LIFR: variants seen among roughly 807,000 people sequenced by gnomAD.
LIFR encodes the protein leukemia inhibitory factor receptor.
In LIFR, 84 loss-of-function variants were observed where a neutral mutation model predicts 122.2. That is an observed-to-expected ratio of 0.69 (90% CI 0.58 to 0.82). The LOEUF (loss-of-function observed/expected upper bound fraction) is 0.82, where lower values mean the gene tolerates loss of function less well. Among genes scored for constraint, LIFR ranks in the 40% least tolerant of loss-of-function variants. The probability of loss-of-function intolerance (pLI) is 0.00; values close to 1 mark genes in which losing one functional copy is unlikely to be tolerated. For synonymous variants in LIFR, 422 were observed against 434.7 expected, an observed-to-expected ratio of 0.97 and a Z score of 0.36; for missense variants, 1,294 against 1,311.6, an observed-to-expected ratio of 0.99 and a Z score of 0.21.
chr5:38,551,510 A>G (rs1057095201), intron 1 of LIFR, among the ~76,000 whole-genome samples: 28 of 152,212 alleles, frequency 1.8e-4, no homozygotes, highest in Admixed American at 1.7e-3. Flanking sequence ...GTGTCTTTGG[A>G]GAAGCCCACT....
chr5:38,530,399 T>A, intron 2 of LIFR, 107 bp downstream of exon 2: 1 of 942,348 alleles, frequency 1.1e-6, no homozygotes, highest in Non-Finnish European at 1.7e-6. Context: ...AAATGAATTT[T>A]AACCAACAAA....
At chr5:38,522,127 G>C (rs748770442) in intron 5 of LIFR, among the ~76,000 whole-genome samples, 9 of 152,220 alleles carry the variant, frequency 5.9e-5, no homozygotes, top group African/African-American at 1.2e-4. Flanking sequence ...CCATAGGCAT[G>C]CAAGTGGGGA....
chr5:38,598,915 G>T (rs1016728947), upstream of LIFR, among the ~76,000 whole-genome samples: 3 of 152,188 alleles, frequency 2.0e-5, no homozygotes, highest in Admixed American at 2.0e-4. Context: ...AAGATAATTT[G>T]CACTCATTAT....
At chr5:38,483,163 C>T (rs544168707) in intron 18 of LIFR, among the ~76,000 whole-genome samples, 5 of 152,142 alleles carry the variant, frequency 3.3e-5, no homozygotes, top group African/African-American at 7.2e-5. Context: ...GTGATAGCCA[C>T]GTGTCACGAG....
intron 4 of LIFR, among the ~76,000 whole-genome samples, chr5:38,524,893 C>T (rs1486845773): frequency 1.3e-5 from 2 of 151,994 alleles, no homozygotes; most frequent in Non-Finnish European, 2.9e-5. Flanking sequence ...CCAGGATCAT[C>T]GAAATAAAAA....
At chr5:38,523,091 A>G (rs1011641422) in intron 5 of LIFR, among the ~76,000 whole-genome samples, 2 of 152,206 alleles carry the variant, frequency 1.3e-5, no homozygotes, top group Admixed American at 6.5e-5. Flanking sequence ...ATAATACACT[A>G]AATTAAATGT....
At chr5:38,498,226 A>G (rs1485764466) in intron 12 of LIFR, among the ~76,000 whole-genome samples, 3 of 152,140 alleles carry the variant, frequency 2.0e-5, no homozygotes, top group Non-Finnish European at 2.9e-5. Flanking sequence ...ACTCCAGACC[A>G]CACACTGTTT....
chr5:38,506,645 A>T lies in LIFR; in HGVS notation c.992-13T>A. On this transcript the variant is annotated splice_polypyrimidine_tract_variant and intron_variant, in intron 7 of 19. Coordinates refer to ENST00000453190, the MANE Select transcript of LIFR (RefSeq NM_001127671.2). Reference sequence around the variant, plus strand: ...GTATCTGGTGGATCTAACAGAAAAAAAATGCAGGTACTTATGATTACATAT... The same window carrying T: ...GTATCTGGTGGATCTAACAGAAAAATAATGCAGGTACTTATGATTACATAT... The T allele has an allele frequency of 6.2e-7, 1 of 1,607,572 alleles. No homozygotes were observed. The highest frequency in any genetic ancestry group is 8.5e-7 in the Non-Finnish European group (1 of 1,174,276).
intron 1 of LIFR, among the ~76,000 whole-genome samples, chr5:38,564,672 T>G (rs1748946721): frequency 6.6e-6 from 1 of 151,092 alleles, no homozygotes; most frequent in African/African-American, 2.4e-5. Context: ...TCCATTGGAT[T>G]TAGAGAGTGT....
chr5:38,519,442 G>C (rs1746283776), intron 5 of LIFR, among the ~76,000 whole-genome samples: 2 of 152,060 alleles, frequency 1.3e-5, no homozygotes, highest in South Asian at 2.1e-4. Flanking sequence ...TATCTCATGA[G>C]TATTATCATT....
chr5:38,484,263 T>C (rs1440029110), intron 18 of LIFR, among the ~76,000 whole-genome samples: 1 of 152,186 alleles, frequency 6.6e-6, no homozygotes, highest in Non-Finnish European at 1.5e-5. Flanking sequence ...AGCACACACT[T>C]GCTGGATGCC....
intron 1 of LIFR, among the ~76,000 whole-genome samples, chr5:38,532,940 T>C (rs1359239278): frequency 6.6e-6 from 1 of 152,184 alleles, no homozygotes; most frequent in African/African-American, 2.4e-5. Flanking sequence ...CTTTCAAAAT[T>C]AGGATGCAGC....
At chr5:38,582,058 C>CTTT (rs35430300) in intron 1 of LIFR, among the ~76,000 whole-genome samples, 5 of 145,216 alleles carry the variant, frequency 3.4e-5, no homozygotes, top group Non-Finnish European at 3.0e-5. Context: ...TTTTTTTTTC[C>CTTT]TTTTTTTTTT....
chr5:38,569,378 G>A (rs181245422), intron 1 of LIFR, among the ~76,000 whole-genome samples: 80 of 152,268 alleles, frequency 5.3e-4, no homozygotes, highest in African/African-American at 1.9e-3. Flanking sequence ...CTCAGCAGGA[G>A]GTGAGAAGCA....
intron 1 of LIFR, among the ~76,000 whole-genome samples, chr5:38,571,560 C>G (rs1462736298): frequency 6.7e-6 from 1 of 148,934 alleles, no homozygotes; most frequent in Non-Finnish European, 1.5e-5. Flanking sequence ...AAGCACTAGC[C>G]TCCTTCTCCT....
chr5:38,510,374 C>T (rs1243547772), intron 7 of LIFR, 90 bp downstream of exon 7: 3 of 1,170,956 alleles, frequency 2.6e-6, no homozygotes, highest in African/African-American at 1.7e-5. Context: ...AGAATCACTC[C>T]TCCCACCCCC....
At chr5:38,512,171 A>G (rs537783847) in intron 5 of LIFR, among the ~76,000 whole-genome samples, 1 of 152,306 alleles carries the variant, frequency 6.6e-6, no homozygotes, top group East Asian at 1.9e-4. Context: ...TTAGGCCCTA[A>G]TGTATTATAT....
chr5:38,608,132 A>T (rs1168581212), intron 1 of LIFR: 1 of 152,132 alleles, frequency 6.6e-6, no homozygotes. Context: ...AGAGAGAGAG[A>T]CAGAGAGTCA....
rs1422912210 is a variant in LIFR, at chr5:38,556,597, G to A, written c.-283C>T. On this transcript the variant is annotated 5_prime_UTR_variant, in exon 1 of 20. Transcript: ENST00000453190. The stretch of plus-strand genomic sequence containing the variant: ...CCGCCGCCGCCGCCAGAGCCTCCCA[G>A]AGGCAACGGTAACGGCCACCGCCAC... 1.2e-4 allele frequency: 18 copies of A among 149,402 alleles called. 1 individual carries two copies. The East Asian group carries it at 3.6e-3, about 30-fold the overall frequency. 9.3% of individuals were successfully genotyped at this position (149,402 alleles called of 1,614,324 possible).
Sources: gnomAD v4.1 joint callset for allele counts (sites outside exome capture counted in the v4.1 genomes callset) on GRCh38, gnomAD v4.1.1 for gene constraint, MANE v1.5 for transcripts, NCBI Gene and HGNC (gene_info 2026-07-23, HGNC 2026-07-21) for gene names.